The following PLCL1 variants were observed in gnomAD, a reference collection of about 807,000 sequenced individuals.
The protein encoded by PLCL1 is phospholipase C like 1 (inactive), also known as inactive phospholipase C-like protein 1.
In PLCL1, 41 loss-of-function variants were observed where a neutral mutation model predicts 84.4. That is an observed-to-expected ratio of 0.49 (90% CI 0.38 to 0.63). PLCL1 has a LOEUF of 0.63. Among genes scored for constraint, PLCL1 ranks in the 30% least tolerant of loss-of-function variants. PLCL1 has a pLI of 0.00. For synonymous variants in PLCL1, 490 were observed against 488.3 expected, an observed-to-expected ratio of 1.00 and a Z score of -0.05; for missense variants, 1,206 against 1,367.8, an observed-to-expected ratio of 0.88 and a Z score of 1.87.
chr2:198,051,071 T>A (rs1691916748), intron 1 of PLCL1, among the ~76,000 whole-genome samples: 1 of 152,194 alleles, frequency 6.6e-6, no homozygotes, highest in South Asian at 2.1e-4. Context: ...TTCAAATTGG[T>A]AGGTTTTCCT....
At chr2:197,849,349 C>T (rs1456464820) in intron 1 of PLCL1, among the ~76,000 whole-genome samples, 3 of 152,048 alleles carry the variant, frequency 2.0e-5, no homozygotes, top group Admixed American at 1.3e-4. Flanking sequence ...GAGTTTGAGA[C>T]CAGCCTGGGC....
chr2:197,824,504 A>G (rs1335184264), intron 1 of PLCL1, among the ~76,000 whole-genome samples: 1 of 152,014 alleles, frequency 6.6e-6, no homozygotes, highest in African/African-American at 2.4e-5. Context: ...ACTTTAGCCC[A>G]GGACCTCAAG....
At chr2:197,841,913 A>G (rs1687010872) in intron 1 of PLCL1, among the ~76,000 whole-genome samples, 1 of 152,192 alleles carries the variant, frequency 6.6e-6, no homozygotes, top group Non-Finnish European at 1.5e-5. Flanking sequence ...GTCTATTGCT[A>G]TATGTATTAG....
At chr2:197,863,148 GTCTTT>G in intron 1 of PLCL1, among the ~76,000 whole-genome samples, 1 of 149,242 alleles carries the variant, frequency 6.7e-6, no homozygotes, top group Non-Finnish European at 1.5e-5. Context: ...GCACTCTCTG[GTCTTT>G]TCTTAAAGCG....
intron 1 of PLCL1, among the ~76,000 whole-genome samples, chr2:198,059,155 T>G (rs2105875660): frequency 6.6e-6 from 1 of 152,322 alleles, no homozygotes; most frequent in South Asian, 2.1e-4. Flanking sequence ...CTTGTGTGAC[T>G]TTATCCATCA....
chr2:197,959,122 C>T (rs964734551), intron 1 of PLCL1, among the ~76,000 whole-genome samples: 9 of 151,962 alleles, frequency 5.9e-5, no homozygotes, highest in South Asian at 4.1e-4. Context: ...CACTTGTATT[C>T]GTCAGGGTTC....
intron 1 of PLCL1, among the ~76,000 whole-genome samples, chr2:198,060,977 A>T (rs1692183590): frequency 6.6e-6 from 1 of 152,076 alleles, no homozygotes; most frequent in African/African-American, 2.4e-5. Flanking sequence ...TAAGCCAGCA[A>T]CTCTATGGAA....
intron 1 of PLCL1, among the ~76,000 whole-genome samples, chr2:197,895,951 TG>T (rs1428024464): frequency 6.6e-6 from 1 of 151,974 alleles, no homozygotes; most frequent in Non-Finnish European, 1.5e-5. Flanking sequence ...GGGTTTTTTT[TG>T]GTAATTGCTG....
chr2:198,054,853 T>G (rs566132119), intron 1 of PLCL1, among the ~76,000 whole-genome samples: 2 of 152,230 alleles, frequency 1.3e-5, no homozygotes, highest in African/African-American at 2.4e-5. Flanking sequence ...GGAATCCACT[T>G]CCTCAATGTA....
chr2:197,938,353 C>A (rs1478071862), intron 1 of PLCL1, among the ~76,000 whole-genome samples: 1 of 152,200 alleles, frequency 6.6e-6, no homozygotes. Flanking sequence ...CTTGTATCTT[C>A]CATAAGAGTT....
At chr2:197,891,457 C>T (rs1688025636) in intron 1 of PLCL1, among the ~76,000 whole-genome samples, 1 of 152,050 alleles carries the variant, frequency 6.6e-6, no homozygotes, top group Admixed American at 6.6e-5. Flanking sequence ...TTGCAGGTGA[C>T]CTGCTCTTGA....
intron 1 of PLCL1, among the ~76,000 whole-genome samples, chr2:197,914,430 A>G (rs1688552173): frequency 6.6e-6 from 1 of 151,880 alleles, no homozygotes; most frequent in Non-Finnish European, 1.5e-5. Flanking sequence ...CTTGGGTTCA[A>G]GTGATTCTCC....
At chr2:197,920,645 T>C (rs1284541603) in intron 1 of PLCL1, among the ~76,000 whole-genome samples, 1 of 152,202 alleles carries the variant, frequency 6.6e-6, no homozygotes, top group Non-Finnish European at 1.5e-5. Context: ...TTATTATAGT[T>C]CTTACAGACA....
intron 1 of PLCL1, among the ~76,000 whole-genome samples, chr2:197,978,209 G>A (rs1245164138): frequency 6.6e-6 from 1 of 152,230 alleles, no homozygotes; most frequent in African/African-American, 2.4e-5. Context: ...GGGTGTGGTG[G>A]CTCACGCCTG....
chr2:198,034,219 C>A lies in PLCL1; in HGVS notation c.241-49539C>A, dbSNP rs559510193. Among the ~76,000 whole-genome samples the A allele has an allele frequency of 5.9e-5, 9 of 152,046 alleles. No individual in the cohort carries two copies. In the East Asian group the frequency reaches 1.7e-3, roughly 29 times the overall value. Reference sequence around the variant, plus strand: ...TCCAAGTGTTCTCATTGTTCAGTTCCCACCTATGAGTGAGAACATGCGATG... The same window carrying A: ...TCCAAGTGTTCTCATTGTTCAGTTCACACCTATGAGTGAGAACATGCGATG... On this transcript the variant is annotated intron_variant, in intron 1 of 5. Transcript: ENST00000428675.
chr2:197,873,989 A>G (rs1157747172), intron 1 of PLCL1, among the ~76,000 whole-genome samples: 1 of 152,164 alleles, frequency 6.6e-6, no homozygotes, highest in Admixed American at 6.5e-5. Context: ...GTTGATGTTG[A>G]CTTTAGTAAC....
intron 1 of PLCL1, among the ~76,000 whole-genome samples, chr2:197,956,620 G>GC (rs1689500545): frequency 6.6e-6 from 1 of 152,090 alleles, no homozygotes; most frequent in Non-Finnish European, 1.5e-5. Flanking sequence ...ATTCTGACTG[G>GC]CATGAGGTGG....
At chr2:197,960,603 G>C (rs1199749138) in intron 1 of PLCL1, among the ~76,000 whole-genome samples, 1 of 152,078 alleles carries the variant, frequency 6.6e-6, no homozygotes, top group South Asian at 2.1e-4. Context: ...AAGGGACACT[G>C]TATAGTCTGA....
chr2:198,003,493 T>C (rs1184984184), intron 1 of PLCL1, among the ~76,000 whole-genome samples: 3 of 152,236 alleles, frequency 2.0e-5, no homozygotes, highest in African/African-American at 7.2e-5. Flanking sequence ...GTTCGTTGAC[T>C]TTAGTTGTAG....
Sources: gnomAD v4.1 joint callset for allele counts (sites outside exome capture counted in the v4.1 genomes callset) on GRCh38, gnomAD v4.1.1 for gene constraint, MANE v1.5 for transcripts, NCBI Gene and HGNC (gene_info 2026-07-23, HGNC 2026-07-21) for gene names.